Variants in PTPRK observed in about 807,000 individuals in gnomAD.
The protein encoded by PTPRK is protein tyrosine phosphatase receptor type K, also known as receptor-type tyrosine-protein phosphatase kappa.
PTPRK carries 75 observed loss-of-function variants against 178.0 expected under a neutral mutation model. That is an observed-to-expected ratio of 0.42 (90% CI 0.35 to 0.51). The LOEUF (loss-of-function observed/expected upper bound fraction) is 0.51. Ranked by LOEUF, PTPRK falls within the 20% of genes least tolerant of loss-of-function variation. The pLI is 0.02. For synonymous variants in PTPRK, 637 were observed against 620.6 expected, an observed-to-expected ratio of 1.03 and a Z score of -0.39; for missense variants, 1,441 against 1,797.8, an observed-to-expected ratio of 0.80 and a Z score of 3.59.
At chr6:128,186,016 C>A (rs1344584327) in intron 6 of PTPRK, among the ~76,000 whole-genome samples, 1 of 151,998 alleles carries the variant, frequency 6.6e-6, no homozygotes, top group African/African-American at 2.4e-5. Context: ...TACAAATAAC[C>A]TTAAAATTAG....
intron 2 of PTPRK, among the ~76,000 whole-genome samples, chr6:128,385,050 T>G (rs965943270): frequency 6.7e-6 from 1 of 148,548 alleles, no homozygotes; most frequent in Non-Finnish European, 1.5e-5. Context: ...CCTTCTATTT[T>G]ATTTTTAAAT....
chr6:128,357,590 C>T (rs1834129607), intron 2 of PTPRK, among the ~76,000 whole-genome samples: 1 of 152,222 alleles, frequency 6.6e-6, no homozygotes, highest in Non-Finnish European at 1.5e-5. Context: ...TGTCACTGTA[C>T]ACGCTGTTCC....
intron 7 of PTPRK, among the ~76,000 whole-genome samples, chr6:128,180,802 T>C (rs1193634182): frequency 6.6e-6 from 1 of 152,106 alleles, no homozygotes; most frequent in African/African-American, 2.4e-5. Context: ...GCAGACTCTA[T>C]TTTTTAAAAT....
intron 8 of PTPRK, among the ~76,000 whole-genome samples, chr6:128,087,629 T>C (rs1053656126): frequency 2.6e-5 from 4 of 152,102 alleles, no homozygotes; most frequent in African/African-American, 9.7e-5. Flanking sequence ...GTTGTTTAAA[T>C]GTTGTTGCTA....
intron 7 of PTPRK, among the ~76,000 whole-genome samples, chr6:128,165,692 C>T (rs1201320801): frequency 1.3e-5 from 2 of 150,820 alleles, no homozygotes; most frequent in East Asian, 1.9e-4. Context: ...GATTTTTTTT[C>T]CTCATTACAA....
At chr6:128,249,212 T>C (rs1448575132) in intron 3 of PTPRK, among the ~76,000 whole-genome samples, 3 of 151,276 alleles carry the variant, frequency 2.0e-5, no homozygotes, top group Non-Finnish European at 4.4e-5. Flanking sequence ...AAAAATATAG[T>C]AGTAGAATTT....
At chr6:128,506,763 A>G (rs1403938951) in intron 1 of PTPRK, among the ~76,000 whole-genome samples, 1 of 151,824 alleles carries the variant, frequency 6.6e-6, no homozygotes, top group East Asian at 1.9e-4. Flanking sequence ...ATTATATTCT[A>G]TAAAGTGATG....
At chr6:128,382,148 T>G (rs1343512160) in intron 2 of PTPRK, among the ~76,000 whole-genome samples, 16 of 62,756 alleles carry the variant, frequency 2.5e-4, no homozygotes, top group Non-Finnish European at 3.6e-4. Context: ...CAATACCCTA[T>G]CTCAAAAAAA....
rs559822673 is a variant in PTPRK, at chr6:128,300,636, C to T, written c.495+21403G>A. Among the ~76,000 whole-genome samples the T allele has an allele frequency of 6.2e-5, 9 of 144,658 alleles. No individual in the cohort carries two copies. The South Asian group carries it at 1.3e-3, about 21-fold the overall frequency. 94.9% of individuals were successfully genotyped at this position (144,658 alleles called of 152,430 possible). A position where few individuals can be genotyped will look rare whatever the true frequency, so the allele number is the denominator to read the frequency against. ...CAAAAAACCAAACACTGCATATTCT[C>T]ACTCATAGGTGGGAACTGAACAATG... is the stretch of plus-strand genomic sequence containing the variant. On this transcript the variant is annotated intron_variant, in intron 3 of 29. Transcript: ENST00000368226.
chr6:128,056,573 C>T (rs961584188), intron 13 of PTPRK, among the ~76,000 whole-genome samples: 17 of 151,776 alleles, frequency 1.1e-4, no homozygotes, highest in Admixed American at 2.0e-4. Flanking sequence ...TACAGGTGCC[C>T]GCCACCACAC....
chr6:128,171,953 T>C (rs1216617219), intron 7 of PTPRK, among the ~76,000 whole-genome samples: 1 of 151,940 alleles, frequency 6.6e-6, no homozygotes, highest in African/African-American at 2.4e-5. Flanking sequence ...CACTTCTAAC[T>C]CGTCTTCTTA....
At chr6:128,330,965 G>C (rs1830200234) in intron 2 of PTPRK, among the ~76,000 whole-genome samples, 2 of 152,118 alleles carry the variant, frequency 1.3e-5, no homozygotes, top group Non-Finnish European at 2.9e-5. Context: ...TGTTTGAAAT[G>C]CTCTGTCCTC....
intron 1 of PTPRK, among the ~76,000 whole-genome samples, chr6:128,501,884 A>C (rs539148191): frequency 6.6e-6 from 1 of 152,368 alleles, no homozygotes; most frequent in East Asian, 1.9e-4. Context: ...TTAATAATGT[A>C]TATTTTGTAG....
chr6:128,307,851 C>G (rs1289555998), intron 3 of PTPRK, among the ~76,000 whole-genome samples: 1 of 152,148 alleles, frequency 6.6e-6, no homozygotes, highest in Non-Finnish European at 1.5e-5. Context: ...ATACTGCCAG[C>G]TGGAATGCCA....
rs181279693 is a variant in PTPRK, at chr6:128,034,077, G to A, written c.2195-24809C>T. Among the ~76,000 whole-genome samples the A allele has an allele frequency of 4.6e-5, 7 of 152,290 alleles. No homozygotes were observed. The East Asian group carries it at 1.3e-3, about 29-fold the overall frequency. ...TTCTTGAATCCAGACTGGTCCTCCAGTACAAGCTGTACCTCTTGTCAATAA... is the reference window on the plus strand; with the variant it reads ...TTCTTGAATCCAGACTGGTCCTCCAATACAAGCTGTACCTCTTGTCAATAA... On this transcript the variant is annotated intron_variant, in intron 13 of 29. Transcript: ENST00000368226.
At chr6:128,000,281 G>T in intron 15 of PTPRK, 2 of 1,286,326 alleles carry the variant, frequency 1.6e-6, no homozygotes, top group South Asian at 2.6e-5. Flanking sequence ...TCTACAAATA[G>T]GATATAGCAA....
intron 1 of PTPRK, among the ~76,000 whole-genome samples, chr6:128,511,179 A>G (rs1225314092): frequency 6.6e-6 from 1 of 152,234 alleles, no homozygotes; most frequent in Non-Finnish European, 1.5e-5. Context: ...GTAAATGTAT[A>G]CAAGCCTGCC....
At chr6:127,980,991 A>T (rs1371447732) in intron 25 of PTPRK, 125 bp downstream of exon 25, 2 of 967,998 alleles carry the variant, frequency 2.1e-6, no homozygotes, top group Middle Eastern at 3.4e-4. Context: ...ATGTGTTTCA[A>T]TAAAAGTTTC....
chr6:128,345,940 G>A (rs185595950), intron 2 of PTPRK, among the ~76,000 whole-genome samples: 24 of 152,192 alleles, frequency 1.6e-4, no homozygotes, highest in Admixed American at 2.6e-4. Flanking sequence ...GAAAGTGGTA[G>A]GTGTTTTTTC....
Sources: allele counts gnomAD v4.1 joint callset (sites outside exome capture counted in the v4.1 genomes callset), GRCh38; gene constraint gnomAD v4.1.1; transcripts MANE v1.5; gene names NCBI Gene and HGNC (gene_info 2026-07-23, HGNC 2026-07-21).